CLMP: variants seen among roughly 807,000 people sequenced by gnomAD.
CLMP encodes the protein CXADR like cell adhesion molecule.
A neutral mutation model predicts 45.2 loss-of-function variants in CLMP; 27 were observed. That is an observed-to-expected ratio of 0.60 (90% CI 0.44 to 0.82). The LOEUF (loss-of-function observed/expected upper bound fraction) is 0.82, where lower values mean the gene tolerates loss of function less well. Among genes scored for constraint, CLMP ranks in the 40% least tolerant of loss-of-function variants. CLMP has a pLI of 0.00. For missense variants in CLMP, 403 were observed against 448.4 expected (o/e 0.90, Z 0.91); for synonymous variants, 167 against 171.4 (o/e 0.97, Z 0.20).
chr11:123,141,134 A>G (rs1260616019), intron 1 of CLMP, among the ~76,000 whole-genome samples: 1 of 148,660 alleles, frequency 6.7e-6, no homozygotes, highest in East Asian at 1.9e-4. Context: ...TGAACCAACA[A>G]ACCTCTTTTC....
At chr11:123,075,306 G>A in intron 5 of CLMP, among the ~76,000 whole-genome samples, 1 of 151,934 alleles carries the variant, frequency 6.6e-6, no homozygotes, top group East Asian at 1.9e-4. Flanking sequence ...CTCTCTTATT[G>A]TATGACCAAC....
At chr11:123,086,338 A>G (rs947261008) in intron 2 of CLMP, among the ~76,000 whole-genome samples, 1 of 152,226 alleles carries the variant, frequency 6.6e-6, no homozygotes, top group Non-Finnish European at 1.5e-5. Context: ...AGTTGGTGGC[A>G]TTTGAGCTAG....
chr11:123,086,687 C>T (rs1168998434), intron 2 of CLMP, among the ~76,000 whole-genome samples: 1 of 152,200 alleles, frequency 6.6e-6, no homozygotes, highest in Non-Finnish European at 1.5e-5. Flanking sequence ...GGATCACAGC[C>T]CTTCTCCTGG....
intron 1 of CLMP, among the ~76,000 whole-genome samples, chr11:123,102,272 T>G (rs2135483799): frequency 6.7e-6 from 1 of 149,406 alleles, no homozygotes; most frequent in Admixed American, 6.9e-5. Context: ...TTGAGCTATC[T>G]TTCCAGGTTT....
rs557108261 is a variant in CLMP, at chr11:123,141,047, C to T, written c.29-43095G>A. On this transcript the variant is annotated intron_variant, in intron 1 of 6. Transcript: ENST00000448775. ...TATGGGCTTCCCCTTTGCCTTCCAC[C>T]ATGATTGCAAGCTTCCCAAGGCCTT... Among the ~76,000 whole-genome samples, 3 of 152,272 alleles carry T rather than the reference C, an allele frequency of 2.0e-5. No homozygotes were observed. The South Asian group carries it at 6.2e-4, about 32-fold the overall frequency.
intron 1 of CLMP, among the ~76,000 whole-genome samples, chr11:123,186,535 T>G (rs1861837323): frequency 6.6e-6 from 1 of 151,384 alleles, no homozygotes; most frequent in African/African-American, 2.4e-5. Context: ...TTTTTTTTTT[T>G]GAGATGGTGT....
intron 1 of CLMP, among the ~76,000 whole-genome samples, chr11:123,150,474 AGAAAGAAAGG>A (rs1565397404): frequency 3.3e-4 from 34 of 103,788 alleles, no homozygotes; most frequent in Non-Finnish European, 5.9e-4. Flanking sequence ...AAAGAAAGAA[AGAAAGAAAGG>A]AAGGAAGGAA....
At chr11:123,118,164 C>T (rs1860742000) in intron 1 of CLMP, among the ~76,000 whole-genome samples, 1 of 152,102 alleles carries the variant, frequency 6.6e-6, no homozygotes, top group Non-Finnish European at 1.5e-5. Flanking sequence ...GAGTCTCTCT[C>T]TGTTGCCCAG....
chr11:123,130,531 T>C (rs1427836536), intron 1 of CLMP, among the ~76,000 whole-genome samples: 1 of 152,168 alleles, frequency 6.6e-6, no homozygotes, highest in Admixed American at 6.6e-5. Context: ...ACCCTTCCTT[T>C]GACACAAGCT....
At position 123,103,296 on chromosome 11, in the gene CLMP, T is replaced by C. The variant is rs12291139; in HGVS notation, c.29-5344A>G. Among the ~76,000 whole-genome samples, 736 of 152,276 alleles carry C rather than the reference T, an allele frequency of 4.8e-3. 3 individuals carry two copies. The highest frequency in any genetic ancestry group is 0.017 in the African/African-American group (699 of 41,556). On this transcript the variant is annotated intron_variant, in intron 1 of 6. Transcript: ENST00000448775. Reference sequence around the variant, plus strand: ...AAATGCTCAAATGAAACCAGTGCCCTACATTCCAGGCAGAGCTAGAGAACC... The same window carrying C: ...AAATGCTCAAATGAAACCAGTGCCCCACATTCCAGGCAGAGCTAGAGAACC...
At position 123,195,069 on chromosome 11, in the gene CLMP, T is replaced by C. The variant is rs1465275611; in HGVS notation, c.-129A>G. On this transcript the variant is annotated 5_prime_UTR_variant, in exon 1 of 7. The change abolishes an upstream ATG in the 5' untranslated region. Transcript: ENST00000448775. ...GGTGCGCGCGAGGTGGCTGCAGCCA[T>C]GTGCCGGGCGGGAGCCGGCCCCGCG... 1.3e-5 allele frequency: 10 copies of C among 780,934 alleles called. No homozygotes were observed. Among genetic ancestry groups the C allele is most frequent in the African/African-American group, 1.8e-5 (1 of 55,598 alleles). 48.4% of individuals were successfully genotyped at this position (780,934 alleles called of 1,614,324 possible). A position where few individuals can be genotyped will look rare whatever the true frequency, so the allele number is the denominator to read the frequency against.
chr11:123,123,882 T>C (rs544393396), intron 1 of CLMP, among the ~76,000 whole-genome samples: 2 of 152,006 alleles, frequency 1.3e-5, no homozygotes, highest in Non-Finnish European at 2.9e-5. Flanking sequence ...CCATAAATGA[T>C]GAAAATCAGT....
chr11:123,083,979 A>G, intron 3 of CLMP, 132 bp from the exon 4 acceptor site: 1 of 989,390 alleles, frequency 1.0e-6, no homozygotes, highest in Non-Finnish European at 1.5e-6. Context: ...GTGGGGATTC[A>G]ACTAGCCTTG....
intron 1 of CLMP, among the ~76,000 whole-genome samples, chr11:123,112,483 G>C (rs1275863205): frequency 4.0e-5 from 6 of 151,590 alleles, no homozygotes; most frequent in Admixed American, 3.3e-4. Flanking sequence ...GATTACAGGT[G>C]CCCGCTACCA....
At chr11:123,102,497 T>C (rs1860463614) in intron 1 of CLMP, among the ~76,000 whole-genome samples, 1 of 151,654 alleles carries the variant, frequency 6.6e-6, no homozygotes, top group South Asian at 2.1e-4. Context: ...GCCAAGATGG[T>C]CTCAATCTCC....
intron 1 of CLMP, among the ~76,000 whole-genome samples, chr11:123,150,513 A>G (rs1359902005): frequency 1.1e-4 from 15 of 131,856 alleles, no homozygotes; most frequent in African/African-American, 3.9e-4. Context: ...GGAAGGAAGG[A>G]AGGAAGGAAG....
intron 1 of CLMP, among the ~76,000 whole-genome samples, chr11:123,156,565 T>C (rs999448626): frequency 6.6e-6 from 1 of 152,222 alleles, no homozygotes; most frequent in Non-Finnish European, 1.5e-5. Flanking sequence ...GATAGATAAC[T>C]GATGGAAGAA....
chr11:123,073,676 G>A lies in CLMP; in HGVS notation c.920C>T (p.Thr307Ile), dbSNP rs777161879. 12 of 1,614,252 alleles carry A rather than the reference G, an allele frequency of 7.4e-6. No homozygotes were observed. The South Asian group carries it at 1.3e-4, about 18-fold the overall frequency. ...SRSGSSSTRS[T>I]ANSASRSQRT... ...CTGGCTGCGTGAGGCACTATTTGCT[G>A]TGGAGCGAGTGGAGGAAGAACCAGA... The change falls in exon 7 of 7, where the codon ACA becomes ATA. Residue 307 changes from threonine (T) to isoleucine (I), a missense_variant. By Grantham distance (89) the Thr-to-Ile change is moderately conservative. Coordinates refer to ENST00000448775, the MANE Select transcript of CLMP (RefSeq NM_024769.5).
chr11:123,187,743 G>C (rs1861853232), intron 1 of CLMP, among the ~76,000 whole-genome samples: 1 of 152,068 alleles, frequency 6.6e-6, no homozygotes, highest in South Asian at 2.1e-4. Flanking sequence ...TGTGTCACTG[G>C]CAGGTTGTGA....
Sources: allele counts gnomAD v4.1 joint callset (sites outside exome capture counted in the v4.1 genomes callset), GRCh38; gene constraint gnomAD v4.1.1; transcripts MANE v1.5; gene names NCBI Gene and HGNC (gene_info 2026-07-23, HGNC 2026-07-21).